Variants in LY6E observed in about 807,000 individuals in gnomAD.
LY6E encodes lymphocyte antigen 6 family member E.
Under a neutral mutation model 7.7 loss-of-function variants are expected in LY6E, and 4 were observed. That is an observed-to-expected ratio of 0.52 (90% confidence interval 0.25 to 1.18). The LOEUF (loss-of-function observed/expected upper bound fraction) is 1.18, where lower values mean the gene tolerates loss of function less well. Ranked by LOEUF, LY6E falls within the 50% of genes most tolerant of loss-of-function variation. The probability of loss-of-function intolerance (pLI) is 0.14; values close to 1 mark genes in which losing one functional copy is unlikely to be tolerated. For synonymous variants in LY6E, 81 were observed against 80.1 expected, an observed-to-expected ratio of 1.01 and a Z score of -0.06; for missense variants, 156 against 168.0, an observed-to-expected ratio of 0.93 and a Z score of 0.40.
In LY6E at chr8:143,020,956, C is replaced by T. The variant is rs1170775262; in HGVS notation, c.17C>T (p.Pro6Leu). The T allele has an allele frequency of 6.2e-7, 1 of 1,614,008 alleles. No homozygotes were observed. Among genetic ancestry groups the T allele is most frequent in the Non-Finnish European group, 8.5e-7 (1 of 1,179,998 alleles). MKIFL[P>L]VLLAALLGVE... is the part of the protein sequence containing the mutation. ...CTCTCCAGAATGAAGATCTTCTTGC[C>T]AGTGCTGCTGGCTGCCCTTCTGGGT... Residue 6 changes from proline to leucine, a missense_variant, in exon 2 of 4, where the codon CCA becomes CTA. Physicochemically the swap from Pro to Leu is moderately conservative, Grantham distance 98 (BLOSUM62 -3). Transcript: ENST00000292494.
In LY6E at chr8:143,021,383, G is replaced by C. The variant is rs1246532614; in HGVS notation, c.122G>C (p.Cys41Ser). ...CTGTACTGCCTGAAGCCGACCATCT[G>C]CTCCGACCAGGACAACTACTGCGTG... ...SNLYCLKPTICSDQDNYCVTV... is the reference protein window; with the variant it reads ...SNLYCLKPTISSDQDNYCVTV... The change falls in exon 3 of 4, where the codon TGC becomes TCC. Residue 41 changes from cysteine (C) to serine (S), a missense_variant. Coordinates refer to ENST00000292494, the MANE Select transcript of LY6E (RefSeq NM_002346.3). The C allele has an allele frequency of 2.5e-6, 4 of 1,613,884 alleles. No homozygotes were observed. The highest frequency in any genetic ancestry group is 3.4e-6 in the Non-Finnish European group (4 of 1,180,028).
chr8:143,020,862 C>A, intron 1 of LY6E, 21 bp from the exon 2 acceptor site: 1 of 1,427,868 alleles, frequency 7.0e-7, no homozygotes, highest in Non-Finnish European at 9.8e-7. Context: ...ACCCGGCCCC[C>A]TAACCAGTGT....
At chr8:143,020,113 C>T (rs1220156251) in intron 1 of LY6E, 1 of 152,300 alleles carries the variant, frequency 6.6e-6, no homozygotes, top group African/African-American at 2.4e-5. Flanking sequence ...AGCCATGCCC[C>T]ACCTGGCCCC....
In LY6E at chr8:143,020,011, T is replaced by C. The variant is rs368940349; in HGVS notation, c.-57-872T>C. ...CGCAGCCTTGTCTCTCGGAGCCCAT[T>C]TCCCAGCCACAGAATGGGGAGTAGC... On this transcript the variant is annotated intron_variant, in intron 1 of 3. Coordinates refer to ENST00000292494, the MANE Select transcript of LY6E (RefSeq NM_002346.3). Among the ~76,000 whole-genome samples the C allele has an allele frequency of 3.8e-4, 58 of 152,252 alleles. 1 individual carries two copies. The South Asian group carries it at 0.012, about 31-fold the overall frequency.
intron 1 of LY6E, among the ~76,000 whole-genome samples, chr8:143,019,833 C>A (rs1333841237): frequency 6.6e-6 from 1 of 152,236 alleles, no homozygotes; most frequent in African/African-American, 2.4e-5. Flanking sequence ...GCAGCCTCCC[C>A]CTCCAACACC....
At position 143,021,657 on chromosome 8, in the gene LY6E, G is replaced by T; in HGVS notation, c.264G>T (p.Met88Ile). The T allele has an allele frequency of 6.2e-7, 1 of 1,613,852 alleles. No individual in the cohort carries two copies. Reference sequence around the variant, plus strand: ...GCGTCAATGTTGGTGTGGCTTCCATGGGCATCAGCTGCTGCCAGAGCTTTC... The same window carrying T: ...GCGTCAATGTTGGTGTGGCTTCCATTGGCATCAGCTGCTGCCAGAGCTTTC... ...PEGVNVGVAS[M>I]GISCCQSFLC... Residue 88 changes from methionine to isoleucine, a missense_variant, in exon 4 of 4, where the codon ATG (methionine) becomes ATT (isoleucine). By Grantham distance (10) the Met-to-Ile change is conservative (BLOSUM62 1). Coordinates refer to ENST00000292494, the MANE Select transcript of LY6E (RefSeq NM_002346.3).
chr8:143,021,030 G>A (rs772231208), intron 2 of LY6E, 39 bp downstream of exon 2: 23 of 1,606,932 alleles, frequency 1.4e-5, no homozygotes, highest in Middle Eastern at 1.7e-4. Flanking sequence ...TTGTCCAGCT[G>A]TGCCCTGCTC....
chr8:143,021,173 C>T, intron 2 of LY6E, 141 bp from the exon 3 acceptor site: 1 of 1,303,976 alleles, frequency 7.7e-7, no homozygotes, highest in Non-Finnish European at 1.1e-6. Flanking sequence ...TGCTCGACGG[C>T]CAGGGTGGGG....
At chr8:143,019,438 C>G (rs1184589345) in intron 1 of LY6E, among the ~76,000 whole-genome samples, 1 of 152,236 alleles carries the variant, frequency 6.6e-6, no homozygotes, top group Non-Finnish European at 1.5e-5. Flanking sequence ...GGTGGCGGCA[C>G]CAGCTGGACC....
At chr8:143,020,366 A>C (rs778181904) in intron 1 of LY6E, 1 of 153,876 alleles carries the variant, frequency 6.5e-6, no homozygotes, top group Non-Finnish European at 1.4e-5. Flanking sequence ...CCTCCCAAGT[A>C]GCTGACCACA....
intron 2 of LY6E, 67 bp downstream of exon 2, chr8:143,021,058 T>G: frequency 3.2e-6 from 5 of 1,567,554 alleles, no homozygotes; most frequent in Non-Finnish European, 4.4e-6. Flanking sequence ...TCTCCACCCC[T>G]CTCCCCTGAG....
rs1415442472 is a variant in LY6E at position 143,021,898 on chromosome 8, C to A, written c.*109C>A. ...GACTCCTCACGTGCCTGATCTGTGC[C>A]CTTGGTCCCAGGTCAGGCCCACCCC... is the stretch of plus-strand genomic sequence containing the variant. On this transcript the variant is annotated 3_prime_UTR_variant, in exon 4 of 4. Coordinates refer to ENST00000292494, the MANE Select transcript of LY6E (RefSeq NM_002346.3). 1.9e-6 allele frequency: 2 copies of A among 1,061,258 alleles called. No individual in the cohort carries two copies. The highest frequency in any genetic ancestry group is 1.6e-5 in the African/African-American group (1 of 62,742). The allele number at this position is 1,061,258 out of a possible 1,614,324, so 65.7% of individuals were successfully genotyped here.
chr8:143,021,330 C>T lies in LY6E; in HGVS notation c.69C>T (p.Cys23=), dbSNP rs11547127. The T allele has an allele frequency of 0.056, 90,602 of 1,613,702 alleles. 3,407 individuals are homozygous for T. The highest frequency in any genetic ancestry group is 0.15 in the East Asian group (6,869 of 44,884). ...CTTCCGCAGCCAGCTCGCTGATGTG[C>T]TTCTCCTGCTTGAACCAGAAGAGCA... The part of the protein sequence containing the change: ...LGVERASSLM[C]FSCLNQKSNL... Residue 23 remains cysteine, a synonymous_variant, in exon 3 of 4, where the codon TGC becomes TGT. Transcript: ENST00000292494.
rs1406744172 is a variant in LY6E, at chr8:143,021,325, AT to A, written c.65del (p.Met22SerfsTer6). ...TCCTCCTTCCGCAGCCAGCTCGCTG[AT>A]GTGCTTCTCCTGCTTGAACCAGAAG... ...LLGVERASSL[M>X]CFSCLNQKSN... On this transcript the variant is annotated frameshift_variant, in exon 3 of 4. Transcript: ENST00000292494. LOFTEE classifies it high-confidence loss of function. 1.2e-6 allele frequency: 2 copies of A among 1,613,700 alleles called. No homozygotes were observed. Among genetic ancestry groups the A allele is most frequent in the Non-Finnish European group, 1.7e-6 (2 of 1,179,978 alleles).
Position 143,021,752 on chromosome 8 carries a change from T to TGAGCCTGCTGCC in LY6E, c.361_372dup (p.Ser121_Pro124dup), listed in dbSNP as rs1563910101. The TGAGCCTGCTGCC allele has an allele frequency of 1.2e-6, 2 of 1,610,596 alleles. No individual in the cohort carries two copies. Among genetic ancestry groups the TGAGCCTGCTGCC allele is most frequent in the Non-Finnish European group, 8.5e-7 (1 of 1,179,122 alleles). The stretch of plus-strand genomic sequence containing the variant: ...ACCCTGCTGGGTGCCGGGCTGCTGC[T>TGAGCCTGCTGCC]GAGCCTGCTGCCGGCCCTGCTGCGG... On this transcript the variant is annotated inframe_insertion, in exon 4 of 4. Coordinates refer to ENST00000292494, the MANE Select transcript of LY6E (RefSeq NM_002346.3).
At chr8:143,019,602 T>G (rs369076138) in intron 1 of LY6E, among the ~76,000 whole-genome samples, 2 of 152,322 alleles carry the variant, frequency 1.3e-5, no homozygotes. Flanking sequence ...CAGCCGGACT[T>G]GGCACTGTTT....
At chr8:143,021,074 G>A (rs1173975294) in intron 2 of LY6E, 83 bp downstream of exon 2, 16 of 1,476,448 alleles carry the variant, frequency 1.1e-5, no homozygotes, top group Middle Eastern at 1.8e-4. Flanking sequence ...CTGAGCAGAC[G>A]CCCCAGGGGT....
intron 1 of LY6E, chr8:143,019,143 C>T (rs1316376627): frequency 3.3e-5 from 5 of 152,284 alleles, no homozygotes; most frequent in African/African-American, 9.6e-5. Context: ...AGCCCAGCCT[C>T]CCTGAGTGGA....
Position 143,021,358 on chromosome 8 carries a change from C to A in LY6E, c.97C>A (p.Leu33Met), listed in dbSNP as rs1563909772. The stretch of plus-strand genomic sequence containing the variant: ...CTCCTGCTTGAACCAGAAGAGCAAT[C>A]TGTACTGCCTGAAGCCGACCATCTG... ...CFSCLNQKSN[L>M]YCLKPTICSD... The change falls in exon 3 of 4, where the codon CTG becomes ATG. Residue 33 changes from leucine (L) to methionine (M), a missense_variant. Leu to Met is a conservative substitution (Grantham distance 15). Coordinates refer to ENST00000292494, the MANE Select transcript of LY6E (RefSeq NM_002346.3). The A allele has an allele frequency of 6.2e-7, 1 of 1,614,030 alleles. No homozygotes were observed. Among genetic ancestry groups the A allele is most frequent in the Admixed American group, 1.7e-5 (1 of 60,024 alleles).
Sources: gnomAD v4.1 joint callset for allele counts (sites outside exome capture counted in the v4.1 genomes callset) on GRCh38, gnomAD v4.1.1 for gene constraint, MANE v1.5 for transcripts, NCBI Gene and HGNC (gene_info 2026-07-23, HGNC 2026-07-21) for gene names.